The following CNTN4 variants were observed in gnomAD, a reference collection of about 807,000 sequenced individuals.
The protein encoded by CNTN4 is contactin-4.
In CNTN4, 77 loss-of-function variants were observed where a neutral mutation model predicts 122.5. That is an observed-to-expected ratio of 0.63 (90% CI 0.52 to 0.76). The LOEUF is 0.76. Ranked by LOEUF, CNTN4 falls within the 30% of genes least tolerant of loss-of-function variation. The pLI is 0.00. For synonymous variants in CNTN4, 512 were observed against 447.0 expected (o/e 1.15, Z -1.83); for missense variants, 1,256 against 1,259.1 (o/e 1.00, Z 0.04).
chr3:2,424,473 G>A (rs1008141910), intron 3 of CNTN4, among the ~76,000 whole-genome samples: 4 of 152,062 alleles, frequency 2.6e-5, no homozygotes, highest in African/African-American at 7.2e-5. Context: ...CATTGATGGA[G>A]ATTTGGGTTG....
intron 3 of CNTN4, among the ~76,000 whole-genome samples, chr3:2,400,545 T>C (rs1413561649): frequency 6.7e-6 from 1 of 149,054 alleles, no homozygotes; most frequent in Non-Finnish European, 1.5e-5. Flanking sequence ...GATATTTGTA[T>C]TTCTGTAGAT....
chr3:3,042,749 G>C, intron 21 of CNTN4: 1 of 599,648 alleles, frequency 1.7e-6, no homozygotes, highest in Non-Finnish European at 2.9e-6. Flanking sequence ...AATGAACGAC[G>C]GTTGTGTCAA....
chr3:2,942,059 G>T (rs191178594), intron 13 of CNTN4, among the ~76,000 whole-genome samples: 18 of 152,242 alleles, frequency 1.2e-4, no homozygotes, highest in African/African-American at 3.9e-4. Flanking sequence ...AAACTGGCCT[G>T]TAAGCTGTGT....
rs2093364338 is a variant in CNTN4 at position 2,841,666 on chromosome 3, T to C, written c.454+22085T>C. Among the ~76,000 whole-genome samples the C allele has an allele frequency of 6.6e-6, 1 of 152,196 alleles. No individual in the cohort carries two copies. Among genetic ancestry groups the C allele is most frequent in the Non-Finnish European group, 1.5e-5 (1 of 68,040 alleles). On this transcript the variant is annotated intron_variant, in intron 7 of 24. Coordinates refer to ENST00000418658, the MANE Select transcript of CNTN4 (RefSeq NM_175607.3). This position sits in a 1 kb window ranked among gnomAD's most constrained non-coding sequence, Gnocchi z 4.8. ...GGGTCAGAGGCTCTTTGTTATATGG[T>C]AGAAGTATAGTCCGTAAGGAATAGA...
chr3:2,735,724 G>T, intron 4 of CNTN4: 1 of 317,820 alleles, frequency 3.1e-6, no homozygotes, highest in Non-Finnish European at 6.1e-6. Context: ...TTGAGGAAGT[G>T]TTGTGTATAT....
At chr3:2,509,606 A>G (rs2076827370) in intron 3 of CNTN4, among the ~76,000 whole-genome samples, 2 of 152,160 alleles carry the variant, frequency 1.3e-5, no homozygotes, top group South Asian at 4.1e-4. Flanking sequence ...TTGGTAGTGG[A>G]CATCTTTTAC....
At chr3:2,601,554 C>T (rs997697520) in intron 4 of CNTN4, among the ~76,000 whole-genome samples, 6 of 152,048 alleles carry the variant, frequency 3.9e-5, no homozygotes, top group African/African-American at 1.4e-4. Flanking sequence ...TGTTCTGTTC[C>T]ATTGGTCTAT....
rs1220522362 is a variant in CNTN4 at position 2,853,300 on chromosome 3, AGT to A, written c.455-13450_455-13449del. 2.0e-5 allele frequency among the ~76,000 whole-genome samples: 3 copies of A among 152,180 alleles called. No individual in the cohort carries two copies. In the East Asian group the frequency reaches 5.8e-4, roughly 29 times the overall value. On this transcript the variant is annotated intron_variant, in intron 7 of 24. Coordinates refer to ENST00000418658, the MANE Select transcript of CNTN4 (RefSeq NM_175607.3). ...CACTCTGTCGCCCAGGCTGGAGTGCAGTGGTGCGATCTCGGCTCACTGCAAGC... is the reference window on the plus strand; with the variant it reads ...CACTCTGTCGCCCAGGCTGGAGTGCAGGTGCGATCTCGGCTCACTGCAAGC...
At chr3:2,604,643 T>TA (rs1329486498) in intron 4 of CNTN4, among the ~76,000 whole-genome samples, 1 of 152,198 alleles carries the variant, frequency 6.6e-6, no homozygotes, top group African/African-American at 2.4e-5. Context: ...TGCAGAGCCC[T>TA]AAGCAGGATT....
Position 3,043,608 on chromosome 3 carries a change from C to A in CNTN4, c.2715C>A (p.Pro905=). ...TTTTTATAGCACCAAGTCAACCCCC[C>A]GGAAACATCATATGGAATTCATCAG... ...TTRKPPPSQP[P]GNIIWNSSDS... Residue 905 remains proline (P), a synonymous_variant, in exon 23 of 25, where the codon CCC becomes CCA. Transcript: ENST00000418658. 1 of 1,613,614 alleles carries A rather than the reference C, an allele frequency of 6.2e-7. No individual in the cohort carries two copies. The highest frequency in any genetic ancestry group is 1.1e-5 in the South Asian group (1 of 91,078).
At chr3:2,964,557 G>T (rs978483123) in intron 13 of CNTN4, among the ~76,000 whole-genome samples, 14 of 152,228 alleles carry the variant, frequency 9.2e-5, no homozygotes, top group Admixed American at 5.2e-4. Context: ...ATCTGATTCA[G>T]AAAGTTTGGG....
In CNTN4 at chr3:3,024,347, G is replaced by T. The variant is rs61479574; in HGVS notation, c.1487-1755G>T. 2.5e-3 allele frequency among the ~76,000 whole-genome samples: 344 copies of T among 136,400 alleles called. 3 individuals carry two copies. Among genetic ancestry groups the T allele is most frequent in the African/African-American group, 9.2e-3 (332 of 36,204 alleles). 89.5% of individuals were successfully genotyped at this position (136,400 alleles called of 152,430 possible). On this transcript the variant is annotated intron_variant, in intron 14 of 24. Transcript: ENST00000418658. ...AAAATGGGGCTATTCCTTGATGTTTGCTTAGAGTAAGATTTGTACTTACCT... is the reference window on the plus strand; with the variant it reads ...AAAATGGGGCTATTCCTTGATGTTTTCTTAGAGTAAGATTTGTACTTACCT...
At chr3:2,152,419 GA>G (rs879863666) in intron 2 of CNTN4, among the ~76,000 whole-genome samples, 15 of 152,152 alleles carry the variant, frequency 9.9e-5, no homozygotes, top group Non-Finnish European at 1.6e-4. Context: ...CTAGACTGGG[GA>G]GGGGTGGAGC....
intron 4 of CNTN4, among the ~76,000 whole-genome samples, chr3:2,701,316 G>A (rs2675301): frequency 0.2 from 30,137 of 152,144 alleles, 3,213 homozygotes; most frequent in South Asian, 0.4. Context: ...TCCTGGAAAT[G>A]AGAAATGAAT....
chr3:2,561,141 A>G (rs922696889), intron 3 of CNTN4, among the ~76,000 whole-genome samples: 6 of 152,080 alleles, frequency 3.9e-5, no homozygotes, highest in African/African-American at 1.4e-4. Context: ...GACACCTAAT[A>G]TATTAGGTAT....
chr3:2,624,714 C>A (rs1485859909), intron 4 of CNTN4, among the ~76,000 whole-genome samples: 1 of 150,736 alleles, frequency 6.6e-6, no homozygotes, highest in Non-Finnish European at 1.5e-5. Flanking sequence ...ACACTGCAAC[C>A]TCCGCCTCCC....
chr3:2,291,526 T>C (rs1270002850), intron 2 of CNTN4, among the ~76,000 whole-genome samples: 1 of 152,132 alleles, frequency 6.6e-6, no homozygotes, highest in Non-Finnish European at 1.5e-5. Context: ...ATATTATGAT[T>C]GATGATTATT....
chr3:2,407,854 T>C (rs1270317955), intron 3 of CNTN4, among the ~76,000 whole-genome samples: 1 of 152,218 alleles, frequency 6.6e-6, no homozygotes, highest in Non-Finnish European at 1.5e-5. Context: ...AATCTTCCCT[T>C]CATGTAATAT....
chr3:2,240,689 G>A (rs1447539747), intron 2 of CNTN4, among the ~76,000 whole-genome samples: 2 of 151,448 alleles, frequency 1.3e-5, no homozygotes, highest in African/African-American at 4.9e-5. Context: ...TGTAACTCAT[G>A]TATGAAAATG....
Sources: allele counts gnomAD v4.1 joint callset (sites outside exome capture counted in the v4.1 genomes callset), GRCh38; gene constraint gnomAD v4.1.1; non-coding constraint Gnocchi (gnomAD v3.1); transcripts MANE v1.5; gene names NCBI Gene and HGNC (gene_info 2026-07-23, HGNC 2026-07-21).